KATNB1: variants seen among roughly 807,000 people sequenced by gnomAD.
KATNB1 encodes the protein katanin p80 WD40 repeat-containing subunit B1.
In KATNB1, 38 loss-of-function variants were observed where a neutral mutation model predicts 82.3. The ratio of observed to expected loss-of-function variants is 0.46; its 90% confidence interval spans 0.36 to 0.61. The LOEUF (loss-of-function observed/expected upper bound fraction) is 0.61, where lower values mean the gene tolerates loss of function less well. KATNB1 is among the 20% of genes least tolerant of loss of function. KATNB1 has a pLI of 0.00. For missense variants in KATNB1, 749 were observed against 915.7 expected (o/e 0.82, Z 2.35); for synonymous variants, 361 against 368.7 (o/e 0.98, Z 0.24).
intron 1 of KATNB1, among the ~76,000 whole-genome samples, chr16:57,736,299 G>T (rs568122749): frequency 6.6e-6 from 1 of 152,242 alleles, no homozygotes; most frequent in African/African-American, 2.4e-5. Context: ...CGGAGGACTA[G>T]AGAGGCAGAC....
In KATNB1 at chr16:57,755,222, C is replaced by A; in HGVS notation, c.1400C>A (p.Ala467Asp). 1 of 1,611,070 alleles carries A rather than the reference C, an allele frequency of 6.2e-7. No homozygotes were observed. The highest frequency in any genetic ancestry group is 1.3e-5 in the African/African-American group (1 of 75,056). ...CGGAACGAGCCCATCGGGCTGAAGGCCTCCGACTTCCTGCCCGTGAGTAGG... is the reference window on the plus strand; with the variant it reads ...CGGAACGAGCCCATCGGGCTGAAGGACTCCGACTTCCTGCCCGTGAGTAGG... ...ATRNEPIGLK[A>D]SDFLPAVKIP... The change falls in exon 15 of 20, where the codon GCC becomes GAC. Residue 467 changes from alanine (A) to aspartate (D), a missense_variant. By Grantham distance (126) the Ala-to-Asp change is moderately radical. Around this residue, in one of 3 missense-constraint regions of KATNB1, gnomAD observed 407 missense variants for 434.7 expected, o/e 0.94. Coordinates refer to ENST00000379661, the MANE Select transcript of KATNB1 (RefSeq NM_005886.3).
intron 1 of KATNB1, among the ~76,000 whole-genome samples, chr16:57,736,587 T>C (rs1250568398): frequency 6.6e-6 from 1 of 152,098 alleles, no homozygotes; most frequent in Non-Finnish European, 1.5e-5. Flanking sequence ...TGGGATGCCT[T>C]TCCTAGGCCC....
In KATNB1 at chr16:57,755,530, C is replaced by A. The variant is rs782130106; in HGVS notation, c.1566+36C>A. The A allele has an allele frequency of 1.9e-6, 3 of 1,593,910 alleles. No homozygotes were observed. The South Asian group carries it at 3.3e-5, about 18-fold the overall frequency. ...ACCCTTGCACAGGGCCTCATCTCGC[C>A]CCCCTGCCCCTGCCACCTGCCTGCC... is the stretch of plus-strand genomic sequence containing the variant. On this transcript the variant is annotated intron_variant, in intron 16 of 19. Coordinates refer to ENST00000379661, the MANE Select transcript of KATNB1 (RefSeq NM_005886.3).
chr16:57,743,686 A>C (rs1555580389), intron 3 of KATNB1, among the ~76,000 whole-genome samples: 1 of 152,158 alleles, frequency 6.6e-6, no homozygotes, highest in Non-Finnish European at 1.5e-5. Context: ...CACACACACC[A>C]GCCTCCCAGG....
chr16:57,754,147 C>T (rs2049255915), intron 13 of KATNB1, 152 bp downstream of exon 13: 8 of 685,648 alleles, frequency 1.2e-5, no homozygotes, highest in Middle Eastern at 2.5e-4. Flanking sequence ...CTGCCCTCTG[C>T]CTGTTATGTG....
chr16:57,752,090 T>C (rs1403247361), intron 8 of KATNB1, 35 bp downstream of exon 8: 19 of 1,375,192 alleles, frequency 1.4e-5, no homozygotes, highest in Non-Finnish European at 1.9e-5. Context: ...TGCTTGTGAC[T>C]GCTGTCCTTC....
At chr16:57,741,535 A>C (rs1280256918) in intron 2 of KATNB1, 152 bp from the exon 3 acceptor site, 1 of 763,868 alleles carries the variant, frequency 1.3e-6, no homozygotes. Context: ...CTGGTCCTGC[A>C]GCTCATGGTG....
Position 57,751,621 on chromosome 16 carries a change from C to A in KATNB1, c.433-20C>A. On this transcript the variant is annotated intron_variant, in intron 6 of 19. Coordinates refer to ENST00000379661, the MANE Select transcript of KATNB1 (RefSeq NM_005886.3). The surrounding 1 kb of genome is among the most constrained non-coding windows in gnomAD (Gnocchi z 6.3). ...TGGGCCCAGGATCCCAGGGTGAGCT[C>A]ATGCCGTGTCCTCCCTCAGGGGCAC... The A allele has an allele frequency of 6.2e-7, 1 of 1,608,052 alleles. No individual in the cohort carries two copies.
Position 57,755,992 on chromosome 16 carries a change from C to G in KATNB1, c.1644C>G (p.Ala548=), listed in dbSNP as rs782052143. Residue 548 remains alanine, a splice_region_variant and synonymous_variant, in exon 18 of 20, where the codon GCC becomes GCG. Coordinates refer to ENST00000379661, the MANE Select transcript of KATNB1 (RefSeq NM_005886.3). ...GGCAGCATGTCCTGGCCTCTCCTAG[C>G]TCCCTGTGGAAGCTGGACCTGTGCA... ...VDLLNIVNQK[A]SLWKLDLCTT... The G allele has an allele frequency of 6.2e-7, 1 of 1,613,386 alleles. No homozygotes were observed. The highest frequency in any genetic ancestry group is 8.5e-7 in the Non-Finnish European group (1 of 1,179,992).
chr16:57,747,814 C>T (rs1429947120), intron 4 of KATNB1, among the ~76,000 whole-genome samples: 2 of 152,234 alleles, frequency 1.3e-5, no homozygotes, highest in African/African-American at 4.8e-5. Context: ...GCCGTGCCCC[C>T]TGTCCAGGCT....
At chr16:57,748,567 GCTCA>G (rs2049200693) in intron 4 of KATNB1, among the ~76,000 whole-genome samples, 2 of 152,036 alleles carry the variant, frequency 1.3e-5, no homozygotes, top group African/African-American at 4.8e-5. Context: ...CTGAGGAGGT[GCTCA>G]GCTGGGAGGC....
At chr16:57,756,599 G>A (rs567793055) in intron 19 of KATNB1, 127 bp downstream of exon 19, 1 of 1,177,972 alleles carries the variant, frequency 8.5e-7, no homozygotes, top group Non-Finnish European at 1.2e-6. Flanking sequence ...TTGGTCTGGG[G>A]CCATGGCTCA....
intron 4 of KATNB1, among the ~76,000 whole-genome samples, chr16:57,746,782 C>T (rs56069315): frequency 0.062 from 9,486 of 152,314 alleles, 354 homozygotes; most frequent in South Asian, 0.091. Context: ...ATGTGGAATC[C>T]ACCCATTTAA....
Position 57,752,069 on chromosome 16 carries a change from G to A in KATNB1, c.632+14G>A, listed in dbSNP as rs1555583444. The A allele has an allele frequency of 1.3e-6, 2 of 1,566,752 alleles. No homozygotes were observed. Among genetic ancestry groups the A allele is most frequent in the Non-Finnish European group, 1.8e-6 (2 of 1,140,326 alleles). The stretch of plus-strand genomic sequence containing the variant: ...CAGCTCTGACAGGTGAGGAGGAGGA[G>A]CGAGGCGAGTTGCTTGTGACTGCTG... On this transcript the variant is annotated intron_variant, in intron 8 of 19. Coordinates refer to ENST00000379661, the MANE Select transcript of KATNB1 (RefSeq NM_005886.3).
At chr16:57,752,495 A>G in intron 8 of KATNB1, 35 bp from the exon 9 acceptor site, 2 of 1,546,426 alleles carry the variant, frequency 1.3e-6, no homozygotes, top group Non-Finnish European at 8.8e-7. Flanking sequence ...AGGATGAGGG[A>G]TAGGCTTCGC....
intron 10 of KATNB1, 24 bp downstream of exon 10, chr16:57,752,952 GC>G: frequency 1.3e-6 from 2 of 1,598,150 alleles, no homozygotes. Context: ...GGCACCCACC[GC>G]CCCCCACTCC....
chr16:57,742,111 G>A (rs939895609), intron 3 of KATNB1, among the ~76,000 whole-genome samples: 1 of 152,240 alleles, frequency 6.6e-6, no homozygotes, highest in Non-Finnish European at 1.5e-5. Context: ...GGCAGGCTGC[G>A]TGAGAAGATT....
At chr16:57,740,078 A>G (rs1337637490) in intron 2 of KATNB1, among the ~76,000 whole-genome samples, 1 of 152,062 alleles carries the variant, frequency 6.6e-6, no homozygotes, top group Non-Finnish European at 1.5e-5. Flanking sequence ...TCAGGTGGAA[A>G]CCTTGAACAG....
intron 14 of KATNB1, 60 bp from the exon 15 acceptor site, chr16:57,755,059 T>G: frequency 1.2e-6 from 2 of 1,613,062 alleles, no homozygotes; most frequent in Non-Finnish European, 1.7e-6. Flanking sequence ...GGGTTGGGGG[T>G]GCCTCGGGAG....
Sources: allele counts gnomAD v4.1 joint callset (sites outside exome capture counted in the v4.1 genomes callset), GRCh38; gene constraint gnomAD v4.1.1; regional missense constraint gnomAD v4.1.1; non-coding constraint Gnocchi (gnomAD v3.1); transcripts MANE v1.5; gene names NCBI Gene and HGNC (gene_info 2026-07-23, HGNC 2026-07-21).